Variants in ARHGAP15 observed in about 807,000 individuals in gnomAD.
ARHGAP15 encodes Rho GTPase activating protein 15.
ARHGAP15 carries 51 observed loss-of-function variants against 63.7 expected under a neutral mutation model. That is an observed-to-expected ratio of 0.80 (90% CI 0.64 to 1.01). The LOEUF (loss-of-function observed/expected upper bound fraction) is 1.01. ARHGAP15 is among the 50% of genes least tolerant of loss of function. The probability of loss-of-function intolerance (pLI) is 0.00; values close to 1 mark genes in which losing one functional copy is unlikely to be tolerated. For missense variants in ARHGAP15, 560 were observed against 564.6 expected, an observed-to-expected ratio of 0.99 and a Z score of 0.08; for synonymous variants, 191 against 193.8, an observed-to-expected ratio of 0.99 and a Z score of 0.12.
At chr2:143,376,214 G>A (rs1002526590) in intron 6 of ARHGAP15, among the ~76,000 whole-genome samples, 1 of 152,156 alleles carries the variant, frequency 6.6e-6, no homozygotes, top group Admixed American at 6.5e-5. Flanking sequence ...AAATTACAAA[G>A]ATAGAAAAGC....
chr2:143,589,375 C>T (rs1697236579), intron 11 of ARHGAP15, among the ~76,000 whole-genome samples: 1 of 152,214 alleles, frequency 6.6e-6, no homozygotes, highest in African/African-American at 2.4e-5. Flanking sequence ...TCAACCACAA[C>T]TTTAATAGCA....
chr2:143,388,023 TTTTC>T (rs1687373557), intron 6 of ARHGAP15, among the ~76,000 whole-genome samples: 1 of 152,160 alleles, frequency 6.6e-6, no homozygotes, highest in African/African-American at 2.4e-5. Flanking sequence ...ATGCTTTCCC[TTTTC>T]TTTCTAAAAT....
rs553246105 is a variant in ARHGAP15, at chr2:143,700,510, G to C, written c.1139-2909G>C. Among the ~76,000 whole-genome samples the C allele has an allele frequency of 8.5e-5, 13 of 152,232 alleles. No individual in the cohort carries two copies. The South Asian group carries it at 1.9e-3, about 22-fold the overall frequency. ...TAACCTGATTATTACTTTAGTCAGA[G>C]ACTTCAGTGAAATTAGAAAGGTCTC... On this transcript the variant is annotated intron_variant, in intron 12 of 13. Transcript: ENST00000295095.
chr2:143,262,100 G>A (rs190805198), intron 6 of ARHGAP15, among the ~76,000 whole-genome samples: 3 of 152,240 alleles, frequency 2.0e-5, no homozygotes, highest in East Asian at 1.9e-4. Context: ...TGTGTAACGC[G>A]TGCTGAGGCA....
intron 12 of ARHGAP15, among the ~76,000 whole-genome samples, chr2:143,679,363 T>C (rs1682983667): frequency 6.6e-6 from 1 of 152,216 alleles, no homozygotes; most frequent in Admixed American, 6.5e-5. Context: ...AGCACAGTGC[T>C]TCTGCAGAGT....
chr2:143,645,349 A>T (rs761749666), intron 12 of ARHGAP15, among the ~76,000 whole-genome samples: 26 of 152,088 alleles, frequency 1.7e-4, no homozygotes, highest in Admixed American at 3.9e-4. Context: ...TGATTGTAGC[A>T]ATTAATCAAC....
chr2:143,508,957 G>C (rs1207643100), intron 9 of ARHGAP15, among the ~76,000 whole-genome samples: 2 of 152,160 alleles, frequency 1.3e-5, no homozygotes, highest in Non-Finnish European at 2.9e-5. Flanking sequence ...GAGAAACAAA[G>C]AGAAAAAGTA....
rs145034768 is a variant in ARHGAP15 at position 143,203,174 on chromosome 2, C to A, written c.234+972C>A. Among the ~76,000 whole-genome samples the A allele has an allele frequency of 4.2e-3, 635 of 152,222 alleles. 5 individuals are homozygous for A. The highest frequency in any genetic ancestry group is 0.015 in the African/African-American group (605 of 41,556). ...TATCTTTGGGATGTCCCATCCTTAG[C>A]ACCAACAATAATTTCTTTTTTTGCT... is the stretch of plus-strand genomic sequence containing the variant. On this transcript the variant is annotated intron_variant, in intron 3 of 13. Coordinates refer to ENST00000295095, the MANE Select transcript of ARHGAP15 (RefSeq NM_018460.4).
chr2:143,559,087 A>C (rs977272385), intron 11 of ARHGAP15, among the ~76,000 whole-genome samples: 2 of 152,184 alleles, frequency 1.3e-5, no homozygotes, highest in Admixed American at 6.5e-5. Context: ...TAACCAGCTA[A>C]AATCATTCTT....
chr2:143,556,619 T>G, intron 11 of ARHGAP15, 134 bp downstream of exon 11: 1 of 626,844 alleles, frequency 1.6e-6, no homozygotes, highest in Non-Finnish European at 2.6e-6. Flanking sequence ...AATTTAAAAA[T>G]TATCAGAAAA....
At chr2:143,642,811 G>T (rs537361742) in intron 12 of ARHGAP15, among the ~76,000 whole-genome samples, 1 of 152,258 alleles carries the variant, frequency 6.6e-6, no homozygotes, top group African/African-American at 2.4e-5. Context: ...AGGGAATGTT[G>T]GCTCCAGCCA....
intron 1 of ARHGAP15, among the ~76,000 whole-genome samples, chr2:143,148,047 A>G (rs1689659744): frequency 6.6e-6 from 1 of 152,004 alleles, no homozygotes; most frequent in Non-Finnish European, 1.5e-5. Flanking sequence ...AATAAAAATA[A>G]CCAGGTTCTC....
chr2:143,259,458 C>T (rs1031946651), intron 6 of ARHGAP15, among the ~76,000 whole-genome samples: 29 of 152,258 alleles, frequency 1.9e-4, no homozygotes, highest in Non-Finnish European at 3.8e-4. Context: ...GGCTTCATTA[C>T]GAGCAAATTT....
rs147673686 is a variant in ARHGAP15, at chr2:143,641,960, C to T, written c.1138+17693C>T. Among the ~76,000 whole-genome samples the T allele has an allele frequency of 2.7e-3, 416 of 152,060 alleles. 1 individual carries two copies. The highest frequency in any genetic ancestry group is 4.4e-3 in the Non-Finnish European group (298 of 67,970). The stretch of plus-strand genomic sequence containing the variant: ...AAAAATGTAGAAGTATGTGTACAAA[C>T]TTAAGGAAGGTTAGATAATGGCCCA... On this transcript the variant is annotated intron_variant, in intron 12 of 13. Coordinates refer to ENST00000295095, the MANE Select transcript of ARHGAP15 (RefSeq NM_018460.4).
chr2:143,394,033 A>G (rs1687655890), intron 6 of ARHGAP15, among the ~76,000 whole-genome samples: 1 of 152,152 alleles, frequency 6.6e-6, no homozygotes. Flanking sequence ...GTGTTTTTCT[A>G]AAAACTCCAC....
At chr2:143,254,527 C>G (rs1680321556) in intron 6 of ARHGAP15, among the ~76,000 whole-genome samples, 1 of 152,034 alleles carries the variant, frequency 6.6e-6, no homozygotes, top group Admixed American at 6.6e-5. Flanking sequence ...TTTGGAAAGC[C>G]TAGGGAAAGG....
chr2:143,457,504 G>A (rs999180908), intron 8 of ARHGAP15, among the ~76,000 whole-genome samples: 41 of 151,676 alleles, frequency 2.7e-4, no homozygotes, highest in African/African-American at 9.4e-4. Context: ...TCCAGCCTGG[G>A]CAACAGAGTG....
At chr2:143,495,245 G>A (rs1384542646) in intron 9 of ARHGAP15, among the ~76,000 whole-genome samples, 3 of 151,390 alleles carry the variant, frequency 2.0e-5, no homozygotes, top group East Asian at 3.9e-4. Flanking sequence ...TTATTTAGGT[G>A]CACAGAGTAA....
At chr2:143,585,912 T>A (rs1697090965) in intron 11 of ARHGAP15, among the ~76,000 whole-genome samples, 1 of 152,186 alleles carries the variant, frequency 6.6e-6, no homozygotes, top group Admixed American at 6.5e-5. Context: ...TGCCTTGCTG[T>A]AATTTTGTGT....
Sources: allele counts gnomAD v4.1 joint callset (sites outside exome capture counted in the v4.1 genomes callset), GRCh38; gene constraint gnomAD v4.1.1; transcripts MANE v1.5; gene names NCBI Gene and HGNC (gene_info 2026-07-23, HGNC 2026-07-21).